Variants in TAB3 observed in about 807,000 individuals in gnomAD.
The protein encoded by TAB3 is TGF-beta activated kinase 1 (MAP3K7) binding protein 3.
Under a neutral mutation model 48.1 loss-of-function variants are expected in TAB3, and 18 were observed. That is an observed-to-expected ratio of 0.37 (90% CI 0.26 to 0.55). TAB3 has a LOEUF of 0.55. Ranked by LOEUF, TAB3 falls within the 20% of genes least tolerant of loss-of-function variation. The pLI, the probability that TAB3 is intolerant of heterozygous loss-of-function variation, is 0.78. For missense variants in TAB3, 414 were observed against 549.8 expected, an observed-to-expected ratio of 0.75 and a Z score of 2.47; for synonymous variants, 185 against 190.2, an observed-to-expected ratio of 0.97 and a Z score of 0.22.
At chrX:30,853,143 C>G (rs755842136) in intron 6 of TAB3, among the ~76,000 whole-genome samples, 35 of 112,180 alleles carry the variant, frequency 3.1e-4, no homozygotes, top group Admixed American at 2.5e-3. Context: ...CTGAACATCC[C>G]TCTTGTTCTA....
Position 30,859,581 on chromosome X carries a change from T to C in TAB3, c.8A>G (p.Gln3Arg). 1 of 1,204,739 alleles carries C rather than the reference T, an allele frequency of 8.3e-7. No homozygotes were observed. Among genetic ancestry groups the C allele is most frequent in the Non-Finnish European group, 1.1e-6 (1 of 890,915 alleles). ...CTGAATATCAAGCTGTGGGCTGCTT[T>C]GCGCCATGCCAGAGCAAATGGTGGC... MA[Q>R]SSPQLDIQVL... The change falls in exon 5 of 11, where the codon CAA becomes CGA. Residue 3 changes from glutamine to arginine, a missense_variant. Transcript: ENST00000288422.
At chrX:30,843,961 T>A (rs1310202316) in intron 8 of TAB3, 1 of 110,868 alleles carries the variant, frequency 9.0e-6, no homozygotes, top group Admixed American at 9.7e-5. Flanking sequence ...ATATATTAAA[T>A]CTCTTCATTT....
In TAB3 at chrX:30,852,821, T is replaced by A. The variant is rs1309453546; in HGVS notation, c.1667A>T (p.Gln556Leu). The A allele has an allele frequency of 8.3e-7, 1 of 1,211,682 alleles. No individual in the cohort carries two copies. The highest frequency in any genetic ancestry group is 2.2e-5 in the Admixed American group (1 of 46,025). Residue 556 changes from glutamine to leucine, a missense_variant, in exon 7 of 11, where the codon CAG (glutamine) becomes CTG (leucine). Coordinates refer to ENST00000288422, the MANE Select transcript of TAB3 (RefSeq NM_152787.5). ...EVNGMEHDLMQRRLRRVSCTT... is the reference protein window; with the variant it reads ...EVNGMEHDLMLRRLRRVSCTT... ...GCAGCTGACTCTTCTGAGCCGTCTC[T>A]GCATCAGGTCATGCTCCATACCATT... is the stretch of plus-strand genomic sequence containing the variant.
intron 6 of TAB3, among the ~76,000 whole-genome samples, chrX:30,853,853 T>G (rs1236358671): frequency 9.0e-6 from 1 of 111,551 alleles, no homozygotes; most frequent in Non-Finnish European, 1.9e-5. Flanking sequence ...TTTTGTATTT[T>G]TAGCAGAGGT....
chrX:30,830,446 T>C lies in TAB3; in HGVS notation c.*981A>G, dbSNP rs1171191266. 1 of 109,999 alleles carries C rather than the reference T, an allele frequency of 9.1e-6. No individual in the cohort carries two copies. The highest frequency in any genetic ancestry group is 3.3e-5 in the African/African-American group (1 of 30,157). The allele number at this position is 109,999 out of a possible 1,213,427, so 9.1% of individuals were successfully genotyped here. On this transcript the variant is annotated 3_prime_UTR_variant, in exon 11 of 11. Coordinates refer to ENST00000288422, the MANE Select transcript of TAB3 (RefSeq NM_152787.5). Reference sequence around the variant, plus strand: ...TAAACATCATGAATTTATCACAAAATTGGAAGGAAAAAAAAAAGGCCCTAT... The same window carrying C: ...TAAACATCATGAATTTATCACAAAACTGGAAGGAAAAAAAAAAGGCCCTAT...
At chrX:30,839,332 T>G (rs1166702967) in intron 9 of TAB3, among the ~76,000 whole-genome samples, 2 of 112,331 alleles carry the variant, frequency 1.8e-5, no homozygotes, top group Admixed American at 1.9e-4. Flanking sequence ...CAAGATTATA[T>G]TCCTAAGCTA....
chrX:30,858,733 GGGGACAGT>G (rs1347455302), intron 5 of TAB3, among the ~76,000 whole-genome samples: 4 of 111,564 alleles, frequency 3.6e-5, no homozygotes, highest in Non-Finnish European at 7.5e-5. Context: ...AACATAACAA[GGGGACAGT>G]GGGACAGGGA....
Position 30,866,333 on chromosome X carries a change from G to A in TAB3, c.-91+782C>T, listed in dbSNP as rs945311550. ...CGGAAATTTCAGCTGAGAGGACATA[G>A]AGGCAACAATACCCCAGTAGCAATG... On this transcript the variant is annotated intron_variant, in intron 4 of 10. Coordinates refer to ENST00000288422, the MANE Select transcript of TAB3 (RefSeq NM_152787.5). Among the ~76,000 whole-genome samples, 3 of 110,717 alleles carry A rather than the reference G, an allele frequency of 2.7e-5. No individual in the cohort carries two copies. The Admixed American group carries it at 2.9e-4, about 11-fold the overall frequency.
At chrX:30,831,901 G>C (rs1938042958) in intron 10 of TAB3, among the ~76,000 whole-genome samples, 1 of 111,984 alleles carries the variant, frequency 8.9e-6, no homozygotes, top group Non-Finnish European at 1.9e-5. Flanking sequence ...ATGTTTTATA[G>C]CATGTTAAAT....
chrX:30,852,948 TATAG>T lies in TAB3; in HGVS notation c.1550-14_1550-11del, dbSNP rs749540202. 1 of 1,207,061 alleles carries T rather than the reference TATAG, an allele frequency of 8.3e-7. No homozygotes were observed. The highest frequency in any genetic ancestry group is 1.7e-5 in the African/African-American group (1 of 57,303). Reference sequence around the variant, plus strand: ...TGATGTAACAGCAAGGCTACAGCATTATAGATAATGTCATTGCAGAGAACAACAT... The same window carrying T: ...TGATGTAACAGCAAGGCTACAGCATTATAATGTCATTGCAGAGAACAACAT... On this transcript the variant is annotated splice_polypyrimidine_tract_variant and intron_variant, in intron 6 of 10. Transcript: ENST00000288422.
At chrX:30,883,526 C>T (rs1257775588) in intron 1 of TAB3, among the ~76,000 whole-genome samples, 3 of 111,525 alleles carry the variant, frequency 2.7e-5, no homozygotes, top group Non-Finnish European at 5.7e-5. Flanking sequence ...ACTATACAGC[C>T]TTTTAAGGAG....
At chrX:30,837,329 A>C (rs1938269562) in intron 9 of TAB3, among the ~76,000 whole-genome samples, 1 of 110,908 alleles carries the variant, frequency 9.0e-6, no homozygotes, top group African/African-American at 3.3e-5. Flanking sequence ...CTGAGATTAT[A>C]AGCATGAGCC....
At chrX:30,879,800 A>G (rs1232972999) in intron 1 of TAB3, among the ~76,000 whole-genome samples, 3 of 111,889 alleles carry the variant, frequency 2.7e-5, no homozygotes, top group Non-Finnish European at 5.6e-5. Flanking sequence ...ACAAGACTTT[A>G]TTTGCAGATA....
chrX:30,858,865 A>G (rs1376497735), intron 5 of TAB3, among the ~76,000 whole-genome samples: 3 of 111,807 alleles, frequency 2.7e-5, no homozygotes, highest in Non-Finnish European at 5.6e-5. Context: ...ACACAGCAAA[A>G]CAAAGGTAAG....
At chrX:30,833,980 C>T (rs1938110511) in intron 10 of TAB3, 71 bp downstream of exon 10, 1 of 986,158 alleles carries the variant, frequency 1.0e-6, no homozygotes, top group African/African-American at 1.9e-5. Context: ...TATGGTTTTA[C>T]TTATAATTCT....
intron 5 of TAB3, among the ~76,000 whole-genome samples, chrX:30,858,109 A>G (rs1057138652): frequency 8.9e-6 from 1 of 112,021 alleles, no homozygotes; most frequent in African/African-American, 3.2e-5. Flanking sequence ...GAAAAAAGTG[A>G]AAGACTTAGG....
intron 1 of TAB3, among the ~76,000 whole-genome samples, chrX:30,877,680 T>C (rs2045739636): frequency 9.1e-6 from 1 of 110,493 alleles, no homozygotes; most frequent in African/African-American, 3.3e-5. Flanking sequence ...AAAAATGATA[T>C]AAAAATAGTC....
rs1938912511 is a variant in TAB3, at chrX:30,852,936, A to C, written c.1552T>G (p.Leu518Val). 8.3e-7 allele frequency: 1 copy of C among 1,208,636 alleles called. No individual in the cohort carries two copies. The highest frequency in any genetic ancestry group is 1.8e-5 in the South Asian group (1 of 56,724). The change falls in exon 7 of 11, where the codon TTG (leucine) becomes GTG (valine). Residue 518 changes from leucine (L) to valine (V), a missense_variant and splice_region_variant. Transcript: ENST00000288422. Reference sequence around the variant, plus strand: ...ATCCTTGCTCGTTGATGTAACAGCAAGGCTACAGCATTATAGATAATGTCA... The same window carrying C: ...ATCCTTGCTCGTTGATGTAACAGCACGGCTACAGCATTATAGATAATGTCA... ...GSDDYAYTQA[L>V]LLHQRARMER...
chrX:30,866,607 G>C (rs1939412672), intron 4 of TAB3, among the ~76,000 whole-genome samples: 1 of 109,567 alleles, frequency 9.1e-6, no homozygotes, highest in Non-Finnish European at 1.9e-5. Context: ...GGAAAAATTT[G>C]AACACCAAAA....
Sources: gnomAD v4.1 joint callset for allele counts (sites outside exome capture counted in the v4.1 genomes callset) on GRCh38, gnomAD v4.1.1 for gene constraint, MANE v1.5 for transcripts, NCBI Gene and HGNC (gene_info 2026-07-23, HGNC 2026-07-21) for gene names.